The following TNF variants were observed in gnomAD, a reference collection of about 807,000 sequenced individuals.
The protein encoded by TNF is tumor necrosis factor.
TNF carries 7 observed loss-of-function variants against 21.8 expected under a neutral mutation model. The observed-to-expected ratio is 0.32, with a 90% CI of 0.18 to 0.60. TNF has a LOEUF of 0.60. Ranked by LOEUF, TNF falls within the 20% of genes least tolerant of loss-of-function variation. TNF has a pLI of 0.84. For missense variants in TNF, 216 were observed against 296.6 expected, an observed-to-expected ratio of 0.73 and a Z score of 2.00; for synonymous variants, 123 against 130.2, an observed-to-expected ratio of 0.94 and a Z score of 0.38.
chr6:31,576,979 T>C (rs762644987), intron 3 of TNF, 137 bp from the exon 4 acceptor site: 2 of 1,367,840 alleles, frequency 1.5e-6, no homozygotes, highest in African/African-American at 1.4e-5. Flanking sequence ...CAGAACGTCA[T>C]GGCCAGGTGG....
chr6:31,575,698 A>T lies in TNF; in HGVS notation c.-44A>T. The T allele has an allele frequency of 6.7e-7, 1 of 1,501,074 alleles. No individual in the cohort carries two copies. The highest frequency in any genetic ancestry group is 8.9e-7 in the Non-Finnish European group (1 of 1,125,274). 93.0% of individuals were successfully genotyped at this position (1,501,074 alleles called of 1,614,324 possible). ...GCCAGGCAGGTTCTCTTCCTCTCAC[A>T]TACTGACCCACGGCTCCACCCTCTC... On this transcript the variant is annotated 5_prime_UTR_variant, in exon 1 of 4. Coordinates refer to ENST00000449264, the MANE Select transcript of TNF (RefSeq NM_000594.4). The surrounding 1 kb of genome is among the most constrained non-coding windows in gnomAD (Gnocchi z 6.2).
intron 2 of TNF, 62 bp downstream of exon 2, chr6:31,576,641 G>A (rs3730322): frequency 7.7e-5 from 124 of 1,600,148 alleles, no homozygotes; most frequent in African/African-American, 7.7e-4. Flanking sequence ...GGTTAGTACC[G>A]GTATGGAAGC....
At position 31,578,146 on chromosome 6, in the gene TNF, A is replaced by T. The variant is rs55788986; in HGVS notation, c.*609A>T. On this transcript the variant is annotated 3_prime_UTR_variant, in exon 4 of 4. Transcript: ENST00000449264. The surrounding 1 kb of genome is among the most constrained non-coding windows in gnomAD (Gnocchi z 6.0). ...CGGAGCTGAACAATAGGCTGTTCCC[A>T]TGTAGCCCCCTGGCCTCTGTGCCTT... 1.1e-4 allele frequency: 17 copies of T among 152,268 alleles called. No individual in the cohort carries two copies. Among genetic ancestry groups the T allele is most frequent in the Admixed American group, 2.6e-4 (4 of 15,270 alleles). The allele number at this position is 152,268 out of a possible 1,614,324, so 9.4% of individuals were successfully genotyped here.
At position 31,575,984 on chromosome 6, in the gene TNF, A is replaced by C. The variant is rs1771161746; in HGVS notation, c.186+57A>C. Reference sequence around the variant, plus strand: ...CCACCCAAGGGGAAATGGAGACGCAAGAGAGGGAGAGAGATGGGATGGGTG... The same window carrying C: ...CCACCCAAGGGGAAATGGAGACGCACGAGAGGGAGAGAGATGGGATGGGTG... On this transcript the variant is annotated intron_variant, in intron 1 of 3. Transcript: ENST00000449264. The surrounding 1 kb of genome is among the most constrained non-coding windows in gnomAD (Gnocchi z 6.2). 7.1e-7 allele frequency: 1 copy of C among 1,414,546 alleles called. No individual in the cohort carries two copies. The highest frequency in any genetic ancestry group is 1.6e-5 in the South Asian group (1 of 60,980). The allele number at this position is 1,414,546 out of a possible 1,614,324, so 87.6% of individuals were successfully genotyped here.
Position 31,575,691 on chromosome 6 carries a change from C to T in TNF, c.-51C>T. On this transcript the variant is annotated 5_prime_UTR_variant, in exon 1 of 4. Transcript: ENST00000449264. This position sits in a 1 kb window ranked among gnomAD's most constrained non-coding sequence, Gnocchi z 6.2. Reference sequence around the variant, plus strand: ...ACAAGCTGCCAGGCAGGTTCTCTTCCTCTCACATACTGACCCACGGCTCCA... The same window carrying T: ...ACAAGCTGCCAGGCAGGTTCTCTTCTTCTCACATACTGACCCACGGCTCCA... 6.8e-7 allele frequency: 1 copy of T among 1,463,382 alleles called. No individual in the cohort carries two copies. The highest frequency in any genetic ancestry group is 9.1e-7 in the Non-Finnish European group (1 of 1,104,036). The allele number at this position is 1,463,382 out of a possible 1,614,324, so 90.6% of individuals were successfully genotyped here. A position where few individuals can be genotyped will look rare whatever the true frequency, so the allele number is the denominator to read the frequency against.
rs1771143387 is a variant in TNF, at chr6:31,575,738, C to T, written c.-4C>T. The T allele has an allele frequency of 1.3e-6, 2 of 1,573,590 alleles. No individual in the cohort carries two copies. Among genetic ancestry groups the T allele is most frequent in the African/African-American group, 1.4e-5 (1 of 73,164 alleles). On this transcript the variant is annotated 5_prime_UTR_variant, in exon 1 of 4. Coordinates refer to ENST00000449264, the MANE Select transcript of TNF (RefSeq NM_000594.4). The surrounding 1 kb of genome is among the most constrained non-coding windows in gnomAD (Gnocchi z 6.2). ...TCCACCCTCTCTCCCCTGGAAAGGA[C>T]ACCATGAGCACTGAAAGCATGATCC... is the stretch of plus-strand genomic sequence containing the variant.
In TNF at chr6:31,576,061, C is replaced by T. The variant is rs1188121821; in HGVS notation, c.186+134C>T. On this transcript the variant is annotated intron_variant, in intron 1 of 3. Transcript: ENST00000449264. ...GGAGAGAAAAAAACGTGGAGAAAGA[C>T]GGGGATGCAGAAAGAGATGTGGCAA... 39 of 901,518 alleles carry T rather than the reference C, an allele frequency of 4.3e-5. No individual in the cohort carries two copies. The East Asian group carries it at 1.0e-3, about 24-fold the overall frequency. 55.8% of individuals were successfully genotyped at this position (901,518 alleles called of 1,614,324 possible).
rs1234739274 is a variant in TNF at position 31,578,123 on chromosome 6, G to T, written c.*586G>T. 1 of 152,356 alleles carries T rather than the reference G, an allele frequency of 6.6e-6. No homozygotes were observed. Among genetic ancestry groups the T allele is most frequent in the Non-Finnish European group, 1.5e-5 (1 of 68,134 alleles). 9.4% of individuals were successfully genotyped at this position (152,356 alleles called of 1,614,324 possible). ...CTCAGACATGTTTTCCGTGAAAACG[G>T]AGCTGAACAATAGGCTGTTCCCATG... On this transcript the variant is annotated 3_prime_UTR_variant, in exon 4 of 4. Transcript: ENST00000449264. The surrounding 1 kb of genome is among the most constrained non-coding windows in gnomAD (Gnocchi z 6.0).
rs1411364031 is a variant in TNF, at chr6:31,577,502, T to C, written c.667T>C (p.Ser223Pro). ...NRPDYLDFAE[S>P]GQVYFGIIAL ...GCCCGACTATCTCGACTTTGCCGAG[T>C]CTGGGCAGGTCTACTTTGGGATCAT... Residue 223 changes from serine to proline, a missense_variant, in exon 4 of 4, where the codon TCT becomes CCT. Coordinates refer to ENST00000449264, the MANE Select transcript of TNF (RefSeq NM_000594.4). The surrounding 1 kb of genome is among the most constrained non-coding windows in gnomAD (Gnocchi z 7.7). The C allele has an allele frequency of 6.2e-7, 1 of 1,612,872 alleles. No homozygotes were observed. The highest frequency in any genetic ancestry group is 1.3e-5 in the African/African-American group (1 of 74,888).
chr6:31,575,953 A>G lies in TNF; in HGVS notation c.186+26A>G. 6.8e-7 allele frequency: 1 copy of G among 1,473,496 alleles called. No individual in the cohort carries two copies. The highest frequency in any genetic ancestry group is 1.4e-5 in the South Asian group (1 of 70,848). 91.3% of individuals were successfully genotyped at this position (1,473,496 alleles called of 1,614,324 possible). A position where few individuals can be genotyped will look rare whatever the true frequency, so the allele number is the denominator to read the frequency against. On this transcript the variant is annotated intron_variant, in intron 1 of 3. Coordinates refer to ENST00000449264, the MANE Select transcript of TNF (RefSeq NM_000594.4). The surrounding 1 kb of genome is among the most constrained non-coding windows in gnomAD (Gnocchi z 6.2). ...GTGAGTGCCTGGCCAGCCTTCATCC[A>G]CTCTCCCACCCAAGGGGAAATGGAG...
chr6:31,577,336 C>G lies in TNF; in HGVS notation c.501C>G (p.Val167=), dbSNP rs1463868214. Residue 167 remains valine (V), a synonymous_variant, in exon 4 of 4, where the codon GTC becomes GTG. Transcript: ENST00000449264. The surrounding 1 kb of genome is among the most constrained non-coding windows in gnomAD (Gnocchi z 7.7). The part of the protein sequence containing the change: ...SRIAVSYQTK[V]NLLSAIKSPC... ...TCGCCGTCTCCTACCAGACCAAGGTCAACCTCCTCTCTGCCATCAAGAGCC... is the reference window on the plus strand; with the variant it reads ...TCGCCGTCTCCTACCAGACCAAGGTGAACCTCCTCTCTGCCATCAAGAGCC... 2.5e-6 allele frequency: 4 copies of G among 1,613,122 alleles called. No homozygotes were observed. The highest frequency in any genetic ancestry group is 3.4e-6 in the Non-Finnish European group (4 of 1,180,046).
chr6:31,577,584 C>T lies in TNF; in HGVS notation c.*47C>T. The T allele has an allele frequency of 9.3e-6, 15 of 1,606,458 alleles. No homozygotes were observed. The highest frequency in any genetic ancestry group is 1.1e-5 in the Non-Finnish European group (13 of 1,174,820). The stretch of plus-strand genomic sequence containing the variant: ...CCCAAACGCCTCCCCTGCCCCAATC[C>T]CTTTATTACCCCCTCCTTCAGACAC... On this transcript the variant is annotated 3_prime_UTR_variant, in exon 4 of 4. Transcript: ENST00000449264. This position sits in a 1 kb window ranked among gnomAD's most constrained non-coding sequence, Gnocchi z 7.7.
chr6:31,575,737 A>T lies in TNF; in HGVS notation c.-5A>T. 1 of 1,571,346 alleles carries T rather than the reference A, an allele frequency of 6.4e-7. No individual in the cohort carries two copies. On this transcript the variant is annotated 5_prime_UTR_variant, in exon 1 of 4. Transcript: ENST00000449264. The surrounding 1 kb of genome is among the most constrained non-coding windows in gnomAD (Gnocchi z 6.2). ...CTCCACCCTCTCTCCCCTGGAAAGG[A>T]CACCATGAGCACTGAAAGCATGATC...
rs1771256598 is a variant in TNF, at chr6:31,577,679, CAA to C, written c.*143_*144del. 9.8e-7 allele frequency: 1 copy of C among 1,024,642 alleles called. No individual in the cohort carries two copies. The highest frequency in any genetic ancestry group is 1.6e-5 in the African/African-American group (1 of 63,228). The allele number at this position is 1,024,642 out of a possible 1,614,324, so 63.5% of individuals were successfully genotyped here. A position where few individuals can be genotyped will look rare whatever the true frequency, so the allele number is the denominator to read the frequency against. On this transcript the variant is annotated 3_prime_UTR_variant, in exon 4 of 4. Transcript: ENST00000449264. This position sits in a 1 kb window ranked among gnomAD's most constrained non-coding sequence, Gnocchi z 7.7. ...CGGAACCCAAGCTTAGAACTTTAAG[CAA>C]CAAGACCACCACTTCGAAACCTGGG...
chr6:31,575,675 C>A lies in TNF; in HGVS notation c.-67C>A. The A allele has an allele frequency of 7.0e-7, 1 of 1,423,264 alleles. No homozygotes were observed. The highest frequency in any genetic ancestry group is 9.3e-7 in the Non-Finnish European group (1 of 1,072,208). 88.2% of individuals were successfully genotyped at this position (1,423,264 alleles called of 1,614,324 possible). The stretch of plus-strand genomic sequence containing the variant: ...GACGCCACATCCCCTGACAAGCTGC[C>A]AGGCAGGTTCTCTTCCTCTCACATA... On this transcript the variant is annotated 5_prime_UTR_variant, in exon 1 of 4. Coordinates refer to ENST00000449264, the MANE Select transcript of TNF (RefSeq NM_000594.4). This position sits in a 1 kb window ranked among gnomAD's most constrained non-coding sequence, Gnocchi z 6.2.
Position 31,577,569 on chromosome 6 carries a change from TC to T in TNF, c.*36del. On this transcript the variant is annotated 3_prime_UTR_variant, in exon 4 of 4. Coordinates refer to ENST00000449264, the MANE Select transcript of TNF (RefSeq NM_000594.4). The surrounding 1 kb of genome is among the most constrained non-coding windows in gnomAD (Gnocchi z 7.7). ...CGAACATCCAACCTTCCCAAACGCC[TC>T]CCCTGCCCCAATCCCTTTATTACCC... The T allele has an allele frequency of 6.2e-7, 1 of 1,612,260 alleles. No homozygotes were observed. The highest frequency in any genetic ancestry group is 8.5e-7 in the Non-Finnish European group (1 of 1,179,594).
Position 31,577,249 on chromosome 6 carries a change from C to T in TNF, c.414C>T (p.Val138=). The T allele has an allele frequency of 6.2e-7, 1 of 1,613,192 alleles. No homozygotes were observed. Among genetic ancestry groups the T allele is most frequent in the Non-Finnish European group, 8.5e-7 (1 of 1,180,038 alleles). The change falls in exon 4 of 4, where the codon GTC becomes GTT. Residue 138 remains valine (V), a synonymous_variant. Transcript: ENST00000449264. The surrounding 1 kb of genome is among the most constrained non-coding windows in gnomAD (Gnocchi z 7.7). Reference sequence around the variant, plus strand: ...GCCTGTACCTCATCTACTCCCAGGTCCTCTTCAAGGGCCAAGGCTGCCCCT... The same window carrying T: ...GCCTGTACCTCATCTACTCCCAGGTTCTCTTCAAGGGCCAAGGCTGCCCCT... ...SEGLYLIYSQ[V]LFKGQGCPST...
Position 31,575,595 on chromosome 6 carries a change from G to A in TNF, c.-147G>A. 1.4e-6 allele frequency: 1 copy of A among 718,196 alleles called. No individual in the cohort carries two copies. The highest frequency in any genetic ancestry group is 2.3e-6 in the Non-Finnish European group (1 of 441,518). The allele number at this position is 718,196 out of a possible 1,614,324, so 44.5% of individuals were successfully genotyped here. On this transcript the variant is annotated 5_prime_UTR_variant, in exon 1 of 4. Coordinates refer to ENST00000449264, the MANE Select transcript of TNF (RefSeq NM_000594.4). This position sits in a 1 kb window ranked among gnomAD's most constrained non-coding sequence, Gnocchi z 6.2. ...ACGCTCCCTCAGCAAGGACAGCAGAGGACCAGCTAAGAGGGAGAGAAGCAA... is the reference window on the plus strand; with the variant it reads ...ACGCTCCCTCAGCAAGGACAGCAGAAGACCAGCTAAGAGGGAGAGAAGCAA...
chr6:31,577,922 G>GC lies in TNF; in HGVS notation c.*385_*386insC. Reference sequence around the variant, plus strand: ...ACCTTAGGCCTTCCTCTCTCCAGATGTTTCCAGACTTCCTTGAGACACGGA... The same window carrying GC: ...ACCTTAGGCCTTCCTCTCTCCAGATGCTTTCCAGACTTCCTTGAGACACGGA... On this transcript the variant is annotated 3_prime_UTR_variant, in exon 4 of 4. Transcript: ENST00000449264. This position sits in a 1 kb window ranked among gnomAD's most constrained non-coding sequence, Gnocchi z 7.7. 1 of 261,300 alleles carries GC rather than the reference G, an allele frequency of 3.8e-6. No individual in the cohort carries two copies. Among genetic ancestry groups the GC allele is most frequent in the Non-Finnish European group, 7.4e-6 (1 of 135,356 alleles). 16.2% of individuals were successfully genotyped at this position (261,300 alleles called of 1,614,324 possible).
Sources: gnomAD v4.1 joint callset for allele counts on GRCh38, gnomAD v4.1.1 for gene constraint, Gnocchi (gnomAD v3.1) non-coding constraint, MANE v1.5 for transcripts, NCBI Gene and HGNC (gene_info 2026-07-23, HGNC 2026-07-21) for gene names.